ZC3H13: variants seen among roughly 807,000 people sequenced by gnomAD.
ZC3H13 encodes the protein zinc finger CCCH domain-containing protein 13.
ZC3H13 carries 64 observed loss-of-function variants against 204.1 expected under a neutral mutation model. The ratio of observed to expected loss-of-function variants is 0.31; its 90% CI spans 0.26 to 0.39. The LOEUF is 0.39. Among genes scored for constraint, ZC3H13 ranks in the 10% least tolerant of loss-of-function variants. The probability of loss-of-function intolerance (pLI) is 1.00; values close to 1 mark genes in which losing one functional copy is unlikely to be tolerated. For missense variants in ZC3H13, 1,833 were observed against 2,082.7 expected (o/e 0.88, Z 2.33); for synonymous variants, 667 against 693.7 (o/e 0.96, Z 0.60).
At chr13:45,984,315 C>T (rs140568821) in intron 10 of ZC3H13, among the ~76,000 whole-genome samples, 178 of 152,126 alleles carry the variant, frequency 1.2e-3, no homozygotes, top group African/African-American at 4.1e-3. Flanking sequence ...CAGGGTACAA[C>T]GGAGGCTTTT....
chr13:45,955,672 ATTT>A lies in ZC3H13; in HGVS notation c.*1452_*1454del, dbSNP rs35418353. ...GGGTATTCATTCTCTGAGGTCATAC[ATTT>A]TTTTTTTCTTTATTCAAAACACTTA... is the stretch of plus-strand genomic sequence containing the variant. On this transcript the variant is annotated 3_prime_UTR_variant, in exon 19 of 19. Coordinates refer to ENST00000679008, the MANE Select transcript of ZC3H13 (RefSeq NM_001330564.2). 4.7e-5 allele frequency: 7 copies of A among 150,196 alleles called. No individual in the cohort carries two copies. The highest frequency in any genetic ancestry group is 2.1e-4 in the South Asian group (1 of 4,738). The allele number at this position is 150,196 out of a possible 1,614,324, so 9.3% of individuals were successfully genotyped here.
Position 45,985,473 on chromosome 13 carries a change from G to A in ZC3H13, c.1544C>T (p.Thr515Ile), listed in dbSNP as rs1025942396. The change falls in exon 10 of 19, where the codon ACT (threonine) becomes ATT (isoleucine). Residue 515 changes from threonine to isoleucine, a missense_variant. Transcript: ENST00000679008. ...HDYRDREGRDTHRKEDTYPEE... is the reference protein window; with the variant it reads ...HDYRDREGRDIHRKEDTYPEE... ...TGGATATGTATCCTCCTTTCGATGA[G>A]TATCTCGACCTTCACGGTCCCTGTA... The A allele has an allele frequency of 6.2e-7, 1 of 1,614,050 alleles. No homozygotes were observed. The highest frequency in any genetic ancestry group is 8.5e-7 in the Non-Finnish European group (1 of 1,180,042).
intron 10 of ZC3H13, among the ~76,000 whole-genome samples, chr13:45,985,089 A>AG (rs199696630): frequency 1.1e-3 from 165 of 152,260 alleles, no homozygotes; most frequent in African/African-American, 3.7e-3. Flanking sequence ...GGATATACTT[A>AG]GGGGGGGTCT....
chr13:46,049,760 G>C (rs950773626), intron 1 of ZC3H13, among the ~76,000 whole-genome samples: 2 of 152,138 alleles, frequency 1.3e-5, no homozygotes, highest in Admixed American at 1.3e-4. Flanking sequence ...TTCAAATTAT[G>C]TATGAACAGG....
At chr13:45,983,584 G>A (rs1296626224) in intron 10 of ZC3H13, among the ~76,000 whole-genome samples, 5 of 148,400 alleles carry the variant, frequency 3.4e-5, no homozygotes, top group African/African-American at 7.6e-5. Context: ...CCACCACCAC[G>A]CCCGGCTAAT....
At chr13:46,005,048 G>T (rs779062248) in intron 7 of ZC3H13, among the ~76,000 whole-genome samples, 2 of 152,016 alleles carry the variant, frequency 1.3e-5, no homozygotes, top group Non-Finnish European at 2.9e-5. Context: ...AAAATATTTT[G>T]TAACATTTAA....
Position 45,959,582 on chromosome 13 carries a change from T to G in ZC3H13, c.4740A>C (p.Glu1580Asp). The G allele has an allele frequency of 6.5e-7, 1 of 1,549,388 alleles. No homozygotes were observed. Among genetic ancestry groups the G allele is most frequent in the Non-Finnish European group, 8.7e-7 (1 of 1,146,482 alleles). The change falls in exon 18 of 19, where the codon GAA becomes GAC. Residue 1580 changes from glutamate (E) to aspartate (D), a missense_variant. Physicochemically the swap from Glu to Asp is conservative, Grantham distance 45. This residue lies in a region of ZC3H13 where 211 missense variants were observed against 228.4 expected (regional missense o/e 0.92). Transcript: ENST00000679008. Reference protein sequence around the residue: ...ALNMAALLRKEERASLLSNLG... With the variant: ...ALNMAALLRKDERASLLSNLG... ...GATTACTAAGAAGACTTGCTCTTTC[T>G]TCTTTTCGTAGTAATGCAGCCATAT...
At chr13:46,001,185 A>T (rs2040718234) in intron 8 of ZC3H13, 1 of 152,238 alleles carries the variant, frequency 6.6e-6, no homozygotes, top group Admixed American at 6.5e-5. Flanking sequence ...TGGCACTGAT[A>T]GGCTTGTTTA....
rs144173711 is a variant in ZC3H13, at chr13:45,964,718, A to C, written c.4474+562T>G. ...GTGATTTAAAAAAGTTGTTAGTAAC[A>C]ATCAGACACTAATTGGAATGATTCA... On this transcript the variant is annotated intron_variant, in intron 16 of 18. Transcript: ENST00000679008. Among the ~76,000 whole-genome samples, 946 of 152,348 alleles carry C rather than the reference A, an allele frequency of 6.2e-3. 9 individuals are homozygous for C. Among genetic ancestry groups the C allele is most frequent in the African/African-American group, 0.022 (910 of 41,584 alleles).
chr13:45,983,193 C>A (rs558529458), intron 10 of ZC3H13, among the ~76,000 whole-genome samples: 2 of 151,718 alleles, frequency 1.3e-5, no homozygotes, highest in Non-Finnish European at 2.9e-5. Flanking sequence ...TAAAAACAGA[C>A]CACTGAGCCA....
intron 8 of ZC3H13, among the ~76,000 whole-genome samples, chr13:45,992,972 G>A (rs2040070463): frequency 6.6e-6 from 1 of 152,094 alleles, no homozygotes. Context: ...GGGCTTTATA[G>A]CCTCCATAAT....
At chr13:46,033,896 G>T (rs901001055) in intron 4 of ZC3H13, among the ~76,000 whole-genome samples, 15 of 151,968 alleles carry the variant, frequency 9.9e-5, no homozygotes, top group African/African-American at 3.4e-4. Context: ...CTGCACACTG[G>T]GAAAACGTAT....
In ZC3H13 at chr13:46,010,505, C is replaced by A; in HGVS notation, c.589G>T (p.Val197Phe). ...KREEIIIKKE[V>F]SPEVVRSKLS... ...TTTGATCTAACCACTTCTGGTGAAA[C>A]CTTTAAAAAAATTCAGTAAGTCAAT... is the stretch of plus-strand genomic sequence containing the variant. Residue 197 changes from valine (V) to phenylalanine (F), a missense_variant and splice_region_variant, in exon 7 of 19, where the codon GTT becomes TTT. Physicochemically the swap from Val to Phe is conservative, Grantham distance 50. This residue lies in a region of ZC3H13 where 1,574 missense variants were observed against 1,757.2 expected (regional missense o/e 0.90). Transcript: ENST00000679008. The A allele has an allele frequency of 1.2e-6, 2 of 1,605,092 alleles. No homozygotes were observed. The highest frequency in any genetic ancestry group is 8.5e-7 in the Non-Finnish European group (1 of 1,173,322).
At position 45,975,888 on chromosome 13, in the gene ZC3H13, T is replaced by C. The variant is rs755132466; in HGVS notation, c.1913-50A>G. On this transcript the variant is annotated intron_variant, in intron 11 of 18. Transcript: ENST00000679008. ...AGTGATTAATTTGACAGATAACCTA[T>C]TGGTAAGACAGCATGGTAAATCTTA... 8.9e-6 allele frequency: 14 copies of C among 1,567,938 alleles called. No homozygotes were observed. In the Admixed American group the frequency reaches 9.1e-5, roughly 10 times the overall value.
intron 7 of ZC3H13, among the ~76,000 whole-genome samples, chr13:46,007,955 T>C (rs2041268855): frequency 6.6e-6 from 1 of 152,230 alleles, no homozygotes; most frequent in Non-Finnish European, 1.5e-5. Context: ...AATATATTTA[T>C]GATTTTAGAT....
At chr13:46,046,430 G>A (rs986278091) in intron 1 of ZC3H13, among the ~76,000 whole-genome samples, 57 of 151,298 alleles carry the variant, frequency 3.8e-4, no homozygotes, top group Middle Eastern at 3.4e-3. Context: ...AGGCCGAGGC[G>A]GGCGGATCAT....
chr13:46,010,462 G>A lies in ZC3H13; in HGVS notation c.632C>T (p.Ser211Phe). The A allele has an allele frequency of 6.2e-7, 1 of 1,613,754 alleles. No individual in the cohort carries two copies. ...VVRSKLSPSP[S>F]LRKSSKSPKR... is the part of the protein sequence containing the mutation. ...CGGAGATTTGCTAGACTTTCTTAGA[G>A]AAGGTGACGGGGACAATTTTGATCT... The change falls in exon 7 of 19, where the codon TCT becomes TTT. Residue 211 changes from serine (S) to phenylalanine (F), a missense_variant. Physicochemically the swap from Ser to Phe is radical, Grantham distance 155. Transcript: ENST00000679008.
intron 7 of ZC3H13, among the ~76,000 whole-genome samples, chr13:46,008,232 TG>T (rs2041289084): frequency 6.6e-6 from 1 of 151,910 alleles, no homozygotes; most frequent in Non-Finnish European, 1.5e-5. Flanking sequence ...TAGTATGTTC[TG>T]AGTTGATAGT....
Position 45,988,868 on chromosome 13 carries a change from G to T in ZC3H13, c.1174C>A (p.Arg392Ser). The T allele has an allele frequency of 6.2e-7, 1 of 1,614,180 alleles. No homozygotes were observed. Among genetic ancestry groups the T allele is most frequent in the Non-Finnish European group, 8.5e-7 (1 of 1,180,038 alleles). ...CTCCCTTTCTCTCGCATTGGAGAGC[G>T]ATGTCTTGGAGGACTCTGCTTTCTC... ...PQRKQSPPRH[R>S]SPMREKGRHD... Residue 392 changes from arginine to serine, a missense_variant, in exon 9 of 19, where the codon CGC (arginine) becomes AGC (serine). Around this residue, in one of 5 missense-constraint regions of ZC3H13, gnomAD observed 1,574 missense variants for 1,757.2 expected, o/e 0.90. Transcript: ENST00000679008.
Sources: gnomAD v4.1 joint callset for allele counts (sites outside exome capture counted in the v4.1 genomes callset) on GRCh38, gnomAD v4.1.1 for gene constraint, gnomAD v4.1.1 regional missense constraint, MANE v1.5 for transcripts, NCBI Gene and HGNC (gene_info 2026-07-23, HGNC 2026-07-21) for gene names.